GDA: variants seen among roughly 807,000 people sequenced by gnomAD.
GDA encodes the protein guanine deaminase, also known as cytoplasmic PSD-95 interactor.
In GDA, 18 loss-of-function variants were observed where a neutral mutation model predicts 59.6. That is an observed-to-expected ratio of 0.30 (90% CI 0.21 to 0.45). GDA has a LOEUF of 0.45. GDA is among the 20% of genes least tolerant of loss of function. The probability of loss-of-function intolerance (pLI) is 1.00; values close to 1 mark genes in which losing one functional copy is unlikely to be tolerated. For synonymous variants in GDA, 201 were observed against 201.1 expected (o/e 1.00, Z 0.00); for missense variants, 427 against 552.3 (o/e 0.77, Z 2.27).
At chr9:72,231,271 TA>T (rs34627726) in intron 10 of GDA, 90 bp downstream of exon 10, 241,496 of 620,772 alleles carry the variant, frequency 0.39, 24,508 homozygotes, top group Middle Eastern at 0.51. Flanking sequence ...CTGTTCTGTT[TA>T]AAAAAAAAAA....
At chr9:72,148,073 C>T (rs562541931), upstream of GDA, among the ~76,000 whole-genome samples, 5 of 152,288 alleles carry the variant, frequency 3.3e-5, no homozygotes, top group South Asian at 1.0e-3. Context: ...CGAATCATTT[C>T]TATAAGCCAG....
chr9:72,156,088 A>G (rs890263880), intron 1 of GDA, among the ~76,000 whole-genome samples: 1 of 152,202 alleles, frequency 6.6e-6, no homozygotes, highest in Non-Finnish European at 1.5e-5. Flanking sequence ...GGATTTGATG[A>G]TAGCTTACAT....
intron 1 of GDA, among the ~76,000 whole-genome samples, chr9:72,135,126 C>T (rs544050519): frequency 5.3e-5 from 8 of 151,866 alleles, no homozygotes; most frequent in South Asian, 4.2e-4. Context: ...TATTTATTGG[C>T]GAGATCAATT....
At chr9:72,131,858 G>T (rs1321466557) in intron 1 of GDA, among the ~76,000 whole-genome samples, 1 of 152,162 alleles carries the variant, frequency 6.6e-6, no homozygotes. Flanking sequence ...TCATGCTGCT[G>T]ATAAAGACAT....
intron 8 of GDA, among the ~76,000 whole-genome samples, chr9:72,226,934 G>A (rs1587724174): frequency 6.6e-6 from 1 of 152,166 alleles, no homozygotes; most frequent in East Asian, 1.9e-4. Flanking sequence ...TGGCTAACAC[G>A]GTGAAACCCC....
At chr9:72,257,387 C>T (rs1840898604), downstream of GDA, 1 of 152,214 alleles carries the variant, frequency 6.6e-6, no homozygotes, top group African/African-American at 2.4e-5. Flanking sequence ...TCCTCTGTAG[C>T]CTTCTTATTT....
At chr9:72,160,344 T>C (rs1587404433) in intron 1 of GDA, among the ~76,000 whole-genome samples, 1 of 151,908 alleles carries the variant, frequency 6.6e-6, no homozygotes, top group Non-Finnish European at 1.5e-5. Context: ...ATATATATAT[T>C]CATCACCCCA....
chr9:72,168,135 G>A (rs1249570097), intron 1 of GDA, among the ~76,000 whole-genome samples: 1 of 152,146 alleles, frequency 6.6e-6, no homozygotes, highest in Non-Finnish European at 1.5e-5. Context: ...GGTAGCTTGT[G>A]TCTGTAATCC....
chr9:72,175,778 G>A (rs76366978), intron 1 of GDA, among the ~76,000 whole-genome samples: 2,231 of 152,114 alleles, frequency 0.015, 55 homozygotes, highest in African/African-American at 0.052. Flanking sequence ...GAATACCTTT[G>A]GATAATCATT....
chr9:72,184,321 G>A (rs1831611967), intron 1 of GDA, among the ~76,000 whole-genome samples: 1 of 152,180 alleles, frequency 6.6e-6, no homozygotes, highest in Non-Finnish European at 1.5e-5. Context: ...GTATCATAGA[G>A]AGTGTTTTCA....
upstream of GDA, among the ~76,000 whole-genome samples, chr9:72,145,050 G>A (rs1826576898): frequency 6.6e-6 from 1 of 152,106 alleles, no homozygotes; most frequent in Non-Finnish European, 1.5e-5. Context: ...AGATAAGAGA[G>A]GAAAAGTGGC....
chr9:72,207,866 T>C (rs989780473), intron 3 of GDA, among the ~76,000 whole-genome samples: 5 of 152,096 alleles, frequency 3.3e-5, no homozygotes, highest in Admixed American at 2.6e-4. Flanking sequence ...CCAACAACTT[T>C]GGGAGTCTGA....
intron 3 of GDA, among the ~76,000 whole-genome samples, 157 bp downstream of exon 3, chr9:72,202,899 A>AC (rs1834187098): frequency 7.7e-6 from 1 of 129,618 alleles, no homozygotes; most frequent in South Asian, 2.5e-4. Flanking sequence ...TGAGTTTGTG[A>AC]CCACCTCACC....
chr9:72,207,632 G>A (rs563488749), intron 3 of GDA, among the ~76,000 whole-genome samples: 37 of 152,270 alleles, frequency 2.4e-4, no homozygotes, highest in Non-Finnish European at 4.1e-4. Context: ...TTTCCACCTG[G>A]ATTTGTGATG....
intron 1 of GDA, among the ~76,000 whole-genome samples, chr9:72,184,851 A>G (rs1831671101): frequency 6.6e-6 from 1 of 152,234 alleles, no homozygotes; most frequent in Admixed American, 6.5e-5. Flanking sequence ...TTTTCAAGTT[A>G]TATAATTTTA....
chr9:72,217,719 C>T (rs1239877362), intron 5 of GDA, among the ~76,000 whole-genome samples: 1 of 152,038 alleles, frequency 6.6e-6, no homozygotes, highest in African/African-American at 2.4e-5. Context: ...ATATGGCCTG[C>T]TCATTAAATT....
At chr9:72,159,653 C>T (rs2130824102) in intron 1 of GDA, among the ~76,000 whole-genome samples, 1 of 152,296 alleles carries the variant, frequency 6.6e-6, no homozygotes, top group East Asian at 1.9e-4. Flanking sequence ...GCATCATAAT[C>T]ATACATTCCC....
downstream of GDA, among the ~76,000 whole-genome samples, chr9:72,256,574 A>G (rs942787063): frequency 6.6e-6 from 1 of 152,226 alleles, no homozygotes; most frequent in African/African-American, 2.4e-5. Flanking sequence ...TTTATTTTCC[A>G]TGTGAAAACT....
downstream of GDA, among the ~76,000 whole-genome samples, chr9:72,259,438 C>T (rs1015696850): frequency 3.3e-5 from 5 of 152,190 alleles, no homozygotes; most frequent in South Asian, 2.1e-4. Flanking sequence ...GGGTTGGAAG[C>T]GGACTGCTCC....
Sources: gnomAD v4.1 joint callset for allele counts (sites outside exome capture counted in the v4.1 genomes callset) on GRCh38, gnomAD v4.1.1 for gene constraint, MANE v1.5 for transcripts, NCBI Gene and HGNC (gene_info 2026-07-23, HGNC 2026-07-21) for gene names.